The following FHIT variants were observed in gnomAD, a reference collection of about 807,000 sequenced individuals.
FHIT encodes fragile histidine triad diadenosine triphosphatase, also known as bis(5'-adenosyl)-triphosphatase.
In FHIT, 19 loss-of-function variants were observed where a neutral mutation model predicts 17.9. The ratio of observed to expected loss-of-function variants is 1.06; its 90% CI spans 0.74 to 1.56. The LOEUF (loss-of-function observed/expected upper bound fraction) is 1.56, where lower values mean the gene tolerates loss of function less well. FHIT is among the 40% of genes most tolerant of loss of function. FHIT has a pLI of 0.00. For synonymous variants in FHIT, 81 were observed against 69.7 expected (o/e 1.16, Z -0.81); for missense variants, 248 against 189.2 (o/e 1.31, Z -1.82).
At chr3:60,770,371 C>T (rs1362127123) in intron 4 of FHIT, among the ~76,000 whole-genome samples, 2 of 152,034 alleles carry the variant, frequency 1.3e-5, no homozygotes, top group Non-Finnish European at 2.9e-5. Context: ...GATATTCTTG[C>T]TCATAATAAT....
chr3:61,089,670 A>C (rs896536604), intron 2 of FHIT, among the ~76,000 whole-genome samples: 10 of 152,166 alleles, frequency 6.6e-5, no homozygotes, highest in African/African-American at 2.4e-4. Flanking sequence ...GGGCAAGGAG[A>C]GATGAAAAGG....
At chr3:60,055,276 T>A (rs575096325) in intron 5 of FHIT, among the ~76,000 whole-genome samples, 188 of 152,232 alleles carry the variant, frequency 1.2e-3, no homozygotes, top group Middle Eastern at 6.8e-3. Context: ...AAGTGACATC[T>A]AGAGTGGGCC....
At chr3:60,628,590 G>A (rs185381655) in intron 4 of FHIT, among the ~76,000 whole-genome samples, 1 of 152,258 alleles carries the variant, frequency 6.6e-6, no homozygotes, top group Admixed American at 6.5e-5. Context: ...TAGATCTTCA[G>A]GCCAATTTTT....
intron 5 of FHIT, among the ~76,000 whole-genome samples, chr3:60,246,807 A>T (rs906233213): frequency 2.0e-5 from 3 of 152,156 alleles, no homozygotes; most frequent in Non-Finnish European, 4.4e-5. Context: ...TCTCTGCTGC[A>T]GTTGAAGCAA....
At chr3:61,162,653 C>T (rs2107100918) in intron 2 of FHIT, among the ~76,000 whole-genome samples, 1 of 152,284 alleles carries the variant, frequency 6.6e-6, no homozygotes, top group East Asian at 1.9e-4. Flanking sequence ...TAAAGGATCC[C>T]ATTTCCCAAT....
chr3:61,152,871 C>T (rs189176178), intron 2 of FHIT, among the ~76,000 whole-genome samples: 7 of 152,142 alleles, frequency 4.6e-5, no homozygotes, highest in East Asian at 3.9e-4. Flanking sequence ...GGGCTGGGTG[C>T]GGTGGCTCAC....
intron 8 of FHIT, among the ~76,000 whole-genome samples, chr3:59,893,974 A>G (rs577386527): frequency 6.6e-6 from 1 of 152,350 alleles, no homozygotes; most frequent in East Asian, 1.9e-4. Context: ...GATTAAGAAC[A>G]TGGATTCCAG....
chr3:60,853,411 C>T (rs1553749005), intron 3 of FHIT, among the ~76,000 whole-genome samples: 1 of 151,960 alleles, frequency 6.6e-6, no homozygotes, highest in Non-Finnish European at 1.5e-5. Context: ...AGTCATAGCC[C>T]CTGGAATCAT....
At chr3:60,699,770 CACAT>C (rs1272040921) in intron 4 of FHIT, among the ~76,000 whole-genome samples, 5 of 145,474 alleles carry the variant, frequency 3.4e-5, no homozygotes, top group African/African-American at 1.4e-4. Flanking sequence ...CACACACACA[CACAT>C]ACACACATAC....
intron 7 of FHIT, among the ~76,000 whole-genome samples, chr3:59,994,470 G>GA (rs1228775459): frequency 6.6e-6 from 1 of 151,942 alleles, no homozygotes; most frequent in Non-Finnish European, 1.5e-5. Flanking sequence ...AAGGCAAAAA[G>GA]AAAAAAATCC....
At chr3:61,148,054 A>C (rs2037278194) in intron 2 of FHIT, among the ~76,000 whole-genome samples, 1 of 151,766 alleles carries the variant, frequency 6.6e-6, no homozygotes. Context: ...AGTTTAAAAA[A>C]AAAAACAAAA....
intron 3 of FHIT, among the ~76,000 whole-genome samples, chr3:60,866,981 TC>T (rs1704191083): frequency 6.6e-6 from 1 of 152,160 alleles, no homozygotes; most frequent in African/African-American, 2.4e-5. Flanking sequence ...TTTCTTTTCC[TC>T]CTACATGAGC....
intron 5 of FHIT, among the ~76,000 whole-genome samples, chr3:60,150,910 C>T (rs1458566823): frequency 2.0e-5 from 3 of 148,218 alleles, no homozygotes; most frequent in African/African-American, 7.6e-5. Flanking sequence ...CAGAGCTAGA[C>T]TCCGCCTCAA....
At chr3:60,955,633 T>C (rs200965035) in intron 3 of FHIT, among the ~76,000 whole-genome samples, 4,277 of 38,648 alleles carry the variant, frequency 0.11, 265 homozygotes, top group Middle Eastern at 0.32. Flanking sequence ...TATATATATA[T>C]ACACACACAC....
intron 5 of FHIT, among the ~76,000 whole-genome samples, chr3:60,109,726 C>A (rs1038784620): frequency 6.6e-5 from 10 of 152,072 alleles, no homozygotes; most frequent in African/African-American, 2.4e-4. Context: ...GAACTTGAGG[C>A]CCCTGGAAGA....
intron 4 of FHIT, among the ~76,000 whole-genome samples, chr3:60,553,738 T>C (rs578077040): frequency 6.6e-6 from 1 of 152,130 alleles, no homozygotes; most frequent in Admixed American, 6.5e-5. Context: ...CAAACACAGG[T>C]GATGAATATC....
intron 5 of FHIT, among the ~76,000 whole-genome samples, chr3:60,088,726 C>G (rs1369639329): frequency 6.6e-6 from 1 of 152,180 alleles, no homozygotes; most frequent in Non-Finnish European, 1.5e-5. Context: ...GACAATTCAT[C>G]TTCCAAAGTT....
intron 2 of FHIT, among the ~76,000 whole-genome samples, chr3:61,067,785 A>T (rs13093215): frequency 6.6e-6 from 1 of 151,966 alleles, no homozygotes; most frequent in Admixed American, 6.5e-5. Flanking sequence ...CCAGTCTTTT[A>T]TTTGGTATCT....
Position 60,961,959 on chromosome 3 carries a change from T to A in FHIT, c.-111+80088A>T, listed in dbSNP as rs150809041. ...ACTTTAAGGTAGTTTTTTCCAATTC[T>A]GTGAAGGAAGTCATTGGTAGCTTGA... On this transcript the variant is annotated intron_variant, in intron 3 of 9. Coordinates refer to ENST00000492590, the MANE Select transcript of FHIT (RefSeq NM_002012.4). 2.3e-3 allele frequency among the ~76,000 whole-genome samples: 344 copies of A among 152,344 alleles called. 4 individuals carry two copies. Among genetic ancestry groups the A allele is most frequent in the East Asian group, 0.016 (83 of 5,188 alleles).
Sources: allele counts gnomAD v4.1 joint callset (sites outside exome capture counted in the v4.1 genomes callset), GRCh38; gene constraint gnomAD v4.1.1; transcripts MANE v1.5; gene names NCBI Gene and HGNC (gene_info 2026-07-23, HGNC 2026-07-21).